The following CRELD1 variants were observed in gnomAD, a reference collection of about 807,000 sequenced individuals.
CRELD1 encodes the protein protein disulfide isomerase CRELD1.
CRELD1 carries 42 observed loss-of-function variants against 58.2 expected under a neutral mutation model. The ratio of observed to expected loss-of-function variants is 0.72; its 90% CI spans 0.56 to 0.93. The LOEUF is 0.93. CRELD1 is among the 40% of genes least tolerant of loss of function. The pLI is 0.00. For synonymous variants in CRELD1, 222 were observed against 202.0 expected (o/e 1.10, Z -0.84); for missense variants, 500 against 540.6 (o/e 0.92, Z 0.74).
At position 9,934,433 on chromosome 3, in the gene CRELD1, G is replaced by T; in HGVS notation, c.-6G>T. ...CTCTATCTGCAGGTCCCCAGCCTGGGTAAAGATGGCCCCATGGCCCCCGAA... is the reference window on the plus strand; with the variant it reads ...CTCTATCTGCAGGTCCCCAGCCTGGTTAAAGATGGCCCCATGGCCCCCGAA... On this transcript the variant is annotated 5_prime_UTR_variant, in exon 2 of 11. Coordinates refer to ENST00000452070, the MANE Select transcript of CRELD1 (RefSeq NM_001077415.3). 1 of 1,613,688 alleles carries T rather than the reference G, an allele frequency of 6.2e-7. No homozygotes were observed. Among genetic ancestry groups the T allele is most frequent in the Non-Finnish European group, 8.5e-7 (1 of 1,179,744 alleles).
chr3:9,935,035 A>T (rs2125330582), intron 3 of CRELD1, 118 bp downstream of exon 3: 2 of 826,370 alleles, frequency 2.4e-6, no homozygotes, highest in East Asian at 5.3e-5. Context: ...AGCACTGAAC[A>T]TCTATAGTAT....
At chr3:9,943,606 G>T in intron 10 of CRELD1, 91 bp downstream of exon 10, 6 of 1,600,638 alleles carry the variant, frequency 3.7e-6, no homozygotes, top group South Asian at 3.4e-5. Context: ...TCCAGGCCCT[G>T]CCCCATCCCT....
At chr3:9,936,089 G>A (rs2085184683) in intron 3 of CRELD1, 1 of 152,214 alleles carries the variant, frequency 6.6e-6, no homozygotes, top group Non-Finnish European at 1.5e-5. Context: ...TGGAAGAGGA[G>A]TCAGCAAAGG....
intron 5 of CRELD1, among the ~76,000 whole-genome samples, chr3:9,940,633 A>T (rs375279562): frequency 2.0e-5 from 3 of 148,538 alleles, no homozygotes; most frequent in Non-Finnish European, 4.5e-5. Flanking sequence ...GTCCAGCTTC[A>T]GCTTGGCATC....
rs2085128546 is a variant in CRELD1 at position 9,934,934 on chromosome 3, G to A, written c.257+17G>A. Reference sequence around the variant, plus strand: ...CAAAGACAGGTAAGGGGCTGCTGGGGGAAGGGGTGTATATTCCCCTCCCCG... The same window carrying A: ...CAAAGACAGGTAAGGGGCTGCTGGGAGAAGGGGTGTATATTCCCCTCCCCG... On this transcript the variant is annotated intron_variant, in intron 3 of 10. Transcript: ENST00000452070. The A allele has an allele frequency of 6.3e-7, 1 of 1,598,772 alleles. No individual in the cohort carries two copies. Among genetic ancestry groups the A allele is most frequent in the South Asian group, 1.1e-5 (1 of 89,210 alleles).
chr3:9,942,044 T>C (rs1575648859), intron 7 of CRELD1, among the ~76,000 whole-genome samples: 1 of 151,828 alleles, frequency 6.6e-6, no homozygotes, highest in East Asian at 1.9e-4. Flanking sequence ...TGAAGTGGGG[T>C]GGATCACCTG....
chr3:9,943,317 A>C (rs2085421313), intron 9 of CRELD1, 64 bp from the exon 10 acceptor site: 2 of 1,612,564 alleles, frequency 1.2e-6, no homozygotes, highest in Admixed American at 1.7e-5. Context: ...AGAGATGGAC[A>C]AGATGGAGTC....
chr3:9,940,660 A>AAGAGAG (rs2085335416), intron 5 of CRELD1, among the ~76,000 whole-genome samples, 190 bp from the exon 6 acceptor site: 1 of 110,784 alleles, frequency 9.0e-6, no homozygotes, highest in African/African-American at 3.2e-5. Flanking sequence ...AGACCGTGTA[A>AAGAGAG]AGAGAGGGAG....
Position 9,935,993 on chromosome 3 carries a change from G to A in CRELD1, c.257+1076G>A, listed in dbSNP as rs2085181757. 2.6e-5 allele frequency: 4 copies of A among 152,274 alleles called. No homozygotes were observed. The South Asian group carries it at 8.3e-4, about 32-fold the overall frequency. The allele number at this position is 152,274 out of a possible 1,614,324, so 9.4% of individuals were successfully genotyped here. On this transcript the variant is annotated intron_variant, in intron 3 of 10. Transcript: ENST00000452070. The stretch of plus-strand genomic sequence containing the variant: ...ATAGTCAATATATGTAATACAGAAA[G>A]CCATTTATATAGTCAGTATGTAAAG...
At chr3:9,933,951 C>T (rs1347960116) in intron 1 of CRELD1, 31 bp downstream of exon 1, 1 of 349,262 alleles carries the variant, frequency 2.9e-6, no homozygotes, top group East Asian at 6.5e-5. Context: ...GCTCGTGGGC[C>T]GTGCCTTTGC....
intron 5 of CRELD1, 64 bp from the exon 6 acceptor site, chr3:9,940,786 A>AGGGAGAGGGAGG (rs2085343834): frequency 7.0e-7 from 1 of 1,438,836 alleles, no homozygotes; most frequent in Admixed American, 1.7e-5. Context: ...GGAGAGGGAG[A>AGGGAGAGGGAGG]AAATATTATC....
chr3:9,940,698 AG>A (rs1199531111), intron 5 of CRELD1, 151 bp from the exon 6 acceptor site: 41 of 525,884 alleles, frequency 7.8e-5, no homozygotes, highest in Non-Finnish European at 1.4e-4. Context: ...AGGGAGAGGG[AG>A]GCCATGGGGA....
chr3:9,934,469 C>G lies in CRELD1; in HGVS notation c.31C>G (p.Pro11Ala), dbSNP rs897094019. The G allele has an allele frequency of 6.2e-7, 1 of 1,613,994 alleles. No individual in the cohort carries two copies. The change falls in exon 2 of 11, where the codon CCA becomes GCA. Residue 11 changes from proline (P) to alanine (A), a missense_variant. Pro to Ala is a conservative substitution (Grantham distance 27). Transcript: ENST00000452070. The stretch of plus-strand genomic sequence containing the variant: ...CCCATGGCCCCCGAAGGGCCTAGTC[C>G]CAGCTATGCTCTGGGGCCTCAGCCT... Reference protein sequence around the residue: MAPWPPKGLVPAMLWGLSLFL... With the variant: MAPWPPKGLVAAMLWGLSLFL...
chr3:9,936,965 G>T (rs2085213097), intron 3 of CRELD1, among the ~76,000 whole-genome samples: 1 of 152,176 alleles, frequency 6.6e-6, no homozygotes, highest in South Asian at 2.1e-4. Flanking sequence ...TCAGTTGATG[G>T]ACATCTGCAT....
chr3:9,941,129 C>T lies in CRELD1; in HGVS notation c.656C>T (p.Ala219Val). ...LVCSACFGPC[A>V]RCSGPEESNC... ...CACCCAGCTTGTTTTGGCCCCTGTG[C>T]CCGATGCTCAGGACCTGAGGAATCA... The change falls in exon 7 of 11, where the codon GCC (alanine) becomes GTC (valine). Residue 219 changes from alanine (A) to valine (V), a missense_variant. Transcript: ENST00000452070. The T allele has an allele frequency of 1.2e-6, 2 of 1,614,202 alleles. No individual in the cohort carries two copies. The highest frequency in any genetic ancestry group is 1.7e-6 in the Non-Finnish European group (2 of 1,180,034).
At position 9,943,421 on chromosome 3, in the gene CRELD1, C is replaced by T; in HGVS notation, c.954C>T (p.Asn318=). Residue 318 remains asparagine (N), a synonymous_variant, in exon 10 of 11, where the codon AAC becomes AAT. Coordinates refer to ENST00000452070, the MANE Select transcript of CRELD1 (RefSeq NM_001077415.3). ...AGACAGAGGTGTGTCCGGGAGAGAA[C>T]AAGCAGTGTGAAAACACCGAGGGCG... is the stretch of plus-strand genomic sequence containing the variant. The part of the protein sequence containing the change: ...ECETEVCPGE[N]KQCENTEGGY... 2 of 1,613,998 alleles carry T rather than the reference C, an allele frequency of 1.2e-6. No homozygotes were observed. Among genetic ancestry groups the T allele is most frequent in the Non-Finnish European group, 1.7e-6 (2 of 1,179,998 alleles).
intron 4 of CRELD1, 47 bp from the exon 5 acceptor site, chr3:9,937,968 A>G (rs768050918): frequency 1.5e-5 from 20 of 1,335,782 alleles, no homozygotes; most frequent in South Asian, 4.8e-5. Flanking sequence ...TTATGACACT[A>G]TCTCAGCACC....
Position 9,937,683 on chromosome 3 carries a change from A to C in CRELD1, c.368+11A>C. On this transcript the variant is annotated intron_variant, in intron 4 of 10. Coordinates refer to ENST00000452070, the MANE Select transcript of CRELD1 (RefSeq NM_001077415.3). Reference sequence around the variant, plus strand: ...CTGGTGGTTTCACAAGTGAGTGGCAAAGGGCCTTCCCTGGAAGTGGGTCAC... The same window carrying C: ...CTGGTGGTTTCACAAGTGAGTGGCACAGGGCCTTCCCTGGAAGTGGGTCAC... 2 of 1,579,586 alleles carry C rather than the reference A, an allele frequency of 1.3e-6. No individual in the cohort carries two copies. Among genetic ancestry groups the C allele is most frequent in the Non-Finnish European group, 1.7e-6 (2 of 1,156,960 alleles).
chr3:9,944,547 C>T lies in CRELD1; in HGVS notation c.1231C>T (p.Arg411Cys), dbSNP rs763477132. The change falls in exon 11 of 11, where the codon CGT becomes TGT. Residue 411 changes from arginine (R) to cysteine (C), a missense_variant. Arg to Cys is a radical substitution (Grantham distance 180, BLOSUM62 -3). Transcript: ENST00000452070. ...TGYWLSERSD[R>C]VLEGFIKGR ...CTACTGGTTGTCAGAGCGCAGTGACCGTGTGCTGGAGGGCTTCATCAAGGG... is the reference window on the plus strand; with the variant it reads ...CTACTGGTTGTCAGAGCGCAGTGACTGTGTGCTGGAGGGCTTCATCAAGGG... The T allele has an allele frequency of 1.1e-5, 17 of 1,610,322 alleles. No homozygotes were observed. The highest frequency in any genetic ancestry group is 8.8e-5 in the South Asian group (8 of 91,004).
Sources: gnomAD v4.1 joint callset for allele counts (sites outside exome capture counted in the v4.1 genomes callset) on GRCh38, gnomAD v4.1.1 for gene constraint, MANE v1.5 for transcripts, NCBI Gene and HGNC (gene_info 2026-07-23, HGNC 2026-07-21) for gene names.